Variants in CSMD1 observed in about 807,000 individuals in gnomAD.
CSMD1 encodes the protein CUB and Sushi multiple domains 1.
In CSMD1, 213 loss-of-function variants were observed where a neutral mutation model predicts 417.5. The observed-to-expected ratio is 0.51, with a 90% CI of 0.46 to 0.57. CSMD1 has a LOEUF of 0.57. Ranked by LOEUF, CSMD1 falls within the 20% of genes least tolerant of loss-of-function variation. The pLI is 0.00. For synonymous variants in CSMD1, 2,862 were observed against 1,736.8 expected (o/e 1.65, Z -16.11); for missense variants, 6,923 against 4,529.7 (o/e 1.53, Z -15.17).
intron 4 of CSMD1, among the ~76,000 whole-genome samples, chr8:4,004,154 A>G (rs1029720611): frequency 4.6e-5 from 7 of 152,118 alleles, no homozygotes; most frequent in African/African-American, 1.7e-4. Flanking sequence ...ACTAAGAAAT[A>G]TAAACATTTT....
chr8:4,798,168 C>G (rs1401590937), intron 1 of CSMD1, among the ~76,000 whole-genome samples: 1 of 152,192 alleles, frequency 6.6e-6, no homozygotes, highest in Non-Finnish European at 1.5e-5. Context: ...CCCACTTCCC[C>G]CACCCAATGA....
At chr8:4,419,743 TAAG>T (rs1344919300) in intron 3 of CSMD1, among the ~76,000 whole-genome samples, 5 of 152,282 alleles carry the variant, frequency 3.3e-5, no homozygotes, top group South Asian at 4.1e-4. Flanking sequence ...GTTCTAGTGA[TAAG>T]AAGAAAATTG....
chr8:3,507,943 C>G (rs969166161), intron 10 of CSMD1, among the ~76,000 whole-genome samples: 1 of 151,994 alleles, frequency 6.6e-6, no homozygotes, highest in African/African-American at 2.4e-5. Context: ...AAAAGTTTCT[C>G]CCATTCTGTA....
In CSMD1 at chr8:4,083,867, T is replaced by G. The variant is rs375538414; in HGVS notation, c.416-51768A>C. Among the ~76,000 whole-genome samples the G allele has an allele frequency of 1.8e-4, 28 of 152,132 alleles. 1 individual carries two copies. Among genetic ancestry groups the G allele is most frequent in the Admixed American group, 4.6e-4 (7 of 15,272 alleles). ...GGATCTAATTAAACTAAAGAGCTTC[T>G]GCACAGCAAAAGAAACTACCACCAG... On this transcript the variant is annotated intron_variant, in intron 3 of 69. Coordinates refer to ENST00000635120, the MANE Select transcript of CSMD1 (RefSeq NM_033225.6).
At chr8:4,164,965 G>T (rs766081552) in intron 3 of CSMD1, among the ~76,000 whole-genome samples, 3 of 152,064 alleles carry the variant, frequency 2.0e-5, no homozygotes, top group African/African-American at 7.2e-5. Flanking sequence ...CAACTGAGCA[G>T]TAGGAATTTT....
At position 3,708,400 on chromosome 8, in the gene CSMD1, G is replaced by A. The variant is rs367576857; in HGVS notation, c.1009+14C>T. 3 of 1,611,626 alleles carry A rather than the reference G, an allele frequency of 1.9e-6. No homozygotes were observed. The highest frequency in any genetic ancestry group is 2.7e-5 in the African/African-American group (2 of 74,852). ...GGGCGTATCAATCCTCAGATAGAAA[G>A]GAAAGGGACTCACAGACAGAGTTTT... On this transcript the variant is annotated intron_variant, in intron 7 of 69. Transcript: ENST00000635120.
chr8:4,284,168 G>C lies in CSMD1; in HGVS notation c.415+135785C>G, dbSNP rs1027267781. On this transcript the variant is annotated intron_variant, in intron 3 of 69. Transcript: ENST00000635120. Reference sequence around the variant, plus strand: ...GGATCACCTGAGGTCAGGAGTTCCAGACTAGGCTGGCCAACATGGTGAAAC... The same window carrying C: ...GGATCACCTGAGGTCAGGAGTTCCACACTAGGCTGGCCAACATGGTGAAAC... 2.6e-5 allele frequency among the ~76,000 whole-genome samples: 4 copies of C among 152,148 alleles called. No homozygotes were observed. The East Asian group carries it at 7.8e-4, about 30-fold the overall frequency.
At chr8:3,388,674 C>G (rs1811157021) in intron 17 of CSMD1, among the ~76,000 whole-genome samples, 1 of 152,158 alleles carries the variant, frequency 6.6e-6, no homozygotes, top group Non-Finnish European at 1.5e-5. Flanking sequence ...TTTTCTTAAA[C>G]TGTTTTTCTA....
chr8:4,797,571 A>G (rs1408184908), intron 1 of CSMD1, among the ~76,000 whole-genome samples: 2 of 152,326 alleles, frequency 1.3e-5, no homozygotes, highest in African/African-American at 4.8e-5. Flanking sequence ...AGTACAATAT[A>G]AAAGTACGAA....
intron 2 of CSMD1, among the ~76,000 whole-genome samples, chr8:4,433,957 C>A (rs1563168387): frequency 6.6e-6 from 1 of 152,152 alleles, no homozygotes. Flanking sequence ...GGTTTATTCA[C>A]TGTGGGCTCC....
In CSMD1 at chr8:4,298,745, A is replaced by C. The variant is rs112784555; in HGVS notation, c.415+121208T>G. Reference sequence around the variant, plus strand: ...TCTTCCAACTAGATGTTAAGAAATTAATGTTAAAGTGATATTTGTGCTTTT... The same window carrying C: ...TCTTCCAACTAGATGTTAAGAAATTCATGTTAAAGTGATATTTGTGCTTTT... On this transcript the variant is annotated intron_variant, in intron 3 of 69. Coordinates refer to ENST00000635120, the MANE Select transcript of CSMD1 (RefSeq NM_033225.6). 1.3e-3 allele frequency among the ~76,000 whole-genome samples: 192 copies of C among 152,216 alleles called. 1 individual carries two copies. Among genetic ancestry groups the C allele is most frequent in the African/African-American group, 4.4e-3 (183 of 41,562 alleles).
rs186713938 is a variant in CSMD1 at position 4,005,187 on chromosome 8, T to C, written c.611-7077A>G. ...ATAAAAGACAACATATATGATGCAG[T>C]GCATACTGCACAGGTGGTGGGTGCA... is the stretch of plus-strand genomic sequence containing the variant. On this transcript the variant is annotated intron_variant, in intron 4 of 69. Transcript: ENST00000635120. Among the ~76,000 whole-genome samples, 48 of 152,210 alleles carry C rather than the reference T, an allele frequency of 3.2e-4. No homozygotes were observed. In the East Asian group the frequency reaches 8.5e-3, roughly 27 times the overall value.
chr8:3,605,727 G>C (rs565070518), intron 8 of CSMD1, among the ~76,000 whole-genome samples: 39 of 152,310 alleles, frequency 2.6e-4, no homozygotes, highest in African/African-American at 9.4e-4. Flanking sequence ...AGCATGAATA[G>C]TAACATGCAC....
At chr8:3,413,117 A>T (rs567706055) in intron 12 of CSMD1, among the ~76,000 whole-genome samples, 1 of 152,220 alleles carries the variant, frequency 6.6e-6, no homozygotes, top group Non-Finnish European at 1.5e-5. Context: ...GAATTAAAGA[A>T]TAAGATTCAT....
chr8:4,189,761 A>C (rs1798903621), intron 3 of CSMD1, among the ~76,000 whole-genome samples: 1 of 152,172 alleles, frequency 6.6e-6, no homozygotes, highest in Non-Finnish European at 1.5e-5. Flanking sequence ...TAAATTATGA[A>C]GATTAAACAG....
At chr8:4,714,368 A>T (rs1279100527) in intron 1 of CSMD1, among the ~76,000 whole-genome samples, 3 of 152,200 alleles carry the variant, frequency 2.0e-5, no homozygotes, top group Non-Finnish European at 4.4e-5. Context: ...ATTTAAATTA[A>T]TATGTGTAAG....
chr8:4,138,088 GT>G (rs1803546514), intron 3 of CSMD1, among the ~76,000 whole-genome samples: 1 of 42,846 alleles, frequency 2.3e-5, no homozygotes, highest in Non-Finnish European at 4.2e-5. Context: ...TTTTTTTTTT[GT>G]ATTTTTTAGT....
Position 3,499,577 on chromosome 8 carries a change from G to C in CSMD1, c.1345-5851C>G, listed in dbSNP as rs139056374. Among the ~76,000 whole-genome samples the C allele has an allele frequency of 1.2e-3, 190 of 152,172 alleles. 2 individuals are homozygous for C. The highest frequency in any genetic ancestry group is 4.2e-3 in the African/African-American group (175 of 41,512). ...CTCCTGCAAGAGGCATATATCCAGG[G>C]TGCTTGTTGGTAGTGTGCCTCAAGA... On this transcript the variant is annotated intron_variant, in intron 10 of 69. Coordinates refer to ENST00000635120, the MANE Select transcript of CSMD1 (RefSeq NM_033225.6).
chr8:4,740,543 G>A (rs117260288), intron 1 of CSMD1, among the ~76,000 whole-genome samples: 2,089 of 152,272 alleles, frequency 0.014, 10 homozygotes, highest in Middle Eastern at 0.044. Flanking sequence ...TAAGACTCAT[G>A]TGAAAAAGGT....
Sources: allele counts gnomAD v4.1 joint callset (sites outside exome capture counted in the v4.1 genomes callset), GRCh38; gene constraint gnomAD v4.1.1; transcripts MANE v1.5; gene names NCBI Gene and HGNC (gene_info 2026-07-23, HGNC 2026-07-21).